The following H3C4 variants were observed in gnomAD, a reference collection of about 807,000 sequenced individuals.
H3C4 encodes the protein H3 clustered histone 4.
H3C4 carries 10 observed loss-of-function variants against 8.7 expected under a neutral mutation model. That is an observed-to-expected ratio of 1.15 (90% confidence interval 0.71 to 1.96). The LOEUF is 1.96. Ranked by LOEUF, H3C4 falls within the 30% of genes most tolerant of loss-of-function variation. The pLI is 0.00. For missense variants in H3C4, 216 were observed against 192.9 expected, an observed-to-expected ratio of 1.12 and a Z score of -0.71; for synonymous variants, 141 against 80.1, an observed-to-expected ratio of 1.76 and a Z score of -4.06.
At chr6:26,199,222 C>T (rs777936216), upstream of H3C4, 4 of 1,605,988 alleles carry the variant, frequency 2.5e-6, no homozygotes, top group East Asian at 2.2e-5. Context: ...GCCTTTCCGC[C>T]TTGCTTGCCG....
chr6:26,197,287 GAA>G (rs745827011), upstream of H3C4: 12 of 1,588,658 alleles, frequency 7.6e-6, no homozygotes, highest in Admixed American at 2.0e-5. Flanking sequence ...ACGAAAAAAC[GAA>G]AGTCTAGCCT....
At chr6:26,197,881 T>TA (rs79006416), upstream of H3C4, among the ~76,000 whole-genome samples, 11,824 of 105,044 alleles carry the variant, frequency 0.11, 627 homozygotes, top group South Asian at 0.22. Flanking sequence ...TAATCTGCTG[T>TA]AAAAAAAAAA....
upstream of H3C4, chr6:26,198,769 C>CT: frequency 7.1e-7 from 1 of 1,404,398 alleles, no homozygotes; most frequent in Non-Finnish European, 9.8e-7. Context: ...AATGTGAGCC[C>CT]TTTTAAGGAA....
At chr6:26,198,768 C>T, upstream of H3C4, 1 of 1,345,542 alleles carries the variant, frequency 7.4e-7, no homozygotes, top group Non-Finnish European at 1.0e-6. Flanking sequence ...AAATGTGAGC[C>T]CTTTTAAGGA....
upstream of H3C4, among the ~76,000 whole-genome samples, chr6:26,198,180 T>C (rs2113858260): frequency 6.6e-6 from 1 of 152,346 alleles, no homozygotes; most frequent in South Asian, 2.1e-4. Context: ...ACTAACTATA[T>C]TTTTATGTAA....
At chr6:26,199,056 A>G (rs772923602), upstream of H3C4, 2 of 1,614,010 alleles carry the variant, frequency 1.2e-6, no homozygotes, top group Non-Finnish European at 1.7e-6. Context: ...CAGCTCCAGG[A>G]TCTCGGCGGT....
chr6:26,199,179 G>A, upstream of H3C4: 2 of 1,614,080 alleles, frequency 1.2e-6, no homozygotes, highest in Non-Finnish European at 1.7e-6. Context: ...CTGGAGTCCG[G>A]CCCGCGAAGA....
chr6:26,197,070 G>A lies in H3C4; in HGVS notation c.181C>T (p.Leu61=), dbSNP rs1352090782. 1.2e-6 allele frequency: 2 copies of A among 1,614,246 alleles called. No homozygotes were observed. Among genetic ancestry groups the A allele is most frequent in the Admixed American group, 1.7e-5 (1 of 60,034 alleles). The part of the protein sequence containing the change: ...EIRRYQKSTE[L]LIRKLPFQRL... ...TGGAATGGCAGTTTGCGAATCAGCA[G>A]CTCGGTCGACTTCTGGTAGCGGCGG... Residue 61 remains leucine (L), a synonymous_variant, in exon 1 of 1, where the codon CTG becomes TTG. Coordinates refer to ENST00000356476, the MANE Select transcript of H3C4 (RefSeq NM_001376937.1).
upstream of H3C4, among the ~76,000 whole-genome samples, chr6:26,198,426 G>A (rs1259560650): frequency 6.6e-6 from 1 of 152,164 alleles, no homozygotes; most frequent in African/African-American, 2.4e-5. Context: ...CCGCCTCCGG[G>A]GTTCAACATT....
upstream of H3C4, among the ~76,000 whole-genome samples, chr6:26,198,500 T>A (rs116103809): frequency 2.5e-3 from 377 of 152,174 alleles, no homozygotes; most frequent in African/African-American, 8.9e-3. Flanking sequence ...CCCGACAAAT[T>A]TTTTTATTTT....
rs749256015 is a variant in H3C4 at position 26,197,271 on chromosome 6, T to C, written c.-21A>G. 2 of 1,590,886 alleles carry C rather than the reference T, an allele frequency of 1.3e-6. No individual in the cohort carries two copies. Among genetic ancestry groups the C allele is most frequent in the East Asian group, 2.2e-5 (1 of 44,754 alleles). Reference sequence around the variant, plus strand: ...GCCATTGCGAACTTCTAAACCCTGCTAAATGACGAAAAAACGAAAGTCTAG... The same window carrying C: ...GCCATTGCGAACTTCTAAACCCTGCCAAATGACGAAAAAACGAAAGTCTAG... On this transcript the variant is annotated 5_prime_UTR_variant, in exon 1 of 1. Transcript: ENST00000356476.
upstream of H3C4, among the ~76,000 whole-genome samples, chr6:26,198,648 T>C (rs544794797): frequency 9.8e-5 from 15 of 152,306 alleles, no homozygotes; most frequent in African/African-American, 2.2e-4. Flanking sequence ...CTTATGTATT[T>C]TTATGGCATC....
At chr6:26,199,166 G>A (rs1417702597), upstream of H3C4, 4 of 1,614,134 alleles carry the variant, frequency 2.5e-6, no homozygotes, top group East Asian at 2.2e-5. Flanking sequence ...GGCCCACAGG[G>A]AACTGGAGTC....
chr6:26,199,183 G>T (rs763562699), upstream of H3C4: 32 of 1,613,900 alleles, frequency 2.0e-5, no homozygotes, highest in South Asian at 3.5e-4. Flanking sequence ...AGTCCGGCCC[G>T]CGAAGAGCGG....
At position 26,197,130 on chromosome 6, in the gene H3C4, G is replaced by T; in HGVS notation, c.121C>A (p.Arg41Ser). 6.2e-7 allele frequency: 1 copy of T among 1,614,202 alleles called. No individual in the cohort carries two copies. Among genetic ancestry groups the T allele is most frequent in the Non-Finnish European group, 8.5e-7 (1 of 1,180,038 alleles). ...PATGGVKKPH[R>S]YRPGTVALRE... is the part of the protein sequence containing the mutation. ...AGAGCCACCGTGCCGGGCCGGTAAC[G>T]GTGGGGCTTCTTCACGCCGCCGGTG... is the stretch of plus-strand genomic sequence containing the variant. The change falls in exon 1 of 1, where the codon CGT becomes AGT. Residue 41 changes from arginine to serine, a missense_variant. Transcript: ENST00000356476.
upstream of H3C4, chr6:26,199,136 G>GC (rs1765064385): frequency 6.2e-7 from 1 of 1,614,106 alleles, no homozygotes; most frequent in African/African-American, 1.3e-5. Flanking sequence ...AGTTGCCCTT[G>GC]CGGAGCAAGC....
At chr6:26,198,734 C>T (rs1765046570), upstream of H3C4, 2 of 1,015,960 alleles carry the variant, frequency 2.0e-6, no homozygotes, top group African/African-American at 1.6e-5. Flanking sequence ...TTAAAGAAAA[C>T]TGCAAAATAG....
chr6:26,196,785 G>C lies in H3C4; in HGVS notation c.*55C>G. ...AAACAGCAACTTTTATAGAAAAGGT[G>C]GTTGGCTCTGAAAAGAGCCTTTGGG... On this transcript the variant is annotated 3_prime_UTR_variant, in exon 1 of 1. Transcript: ENST00000356476. 2 of 1,577,484 alleles carry C rather than the reference G, an allele frequency of 1.3e-6. No individual in the cohort carries two copies. Among genetic ancestry groups the C allele is most frequent in the Non-Finnish European group, 1.7e-6 (2 of 1,152,412 alleles).
chr6:26,198,884 C>G, upstream of H3C4: 1 of 1,614,192 alleles, frequency 6.2e-7, no homozygotes, highest in East Asian at 2.2e-5. Flanking sequence ...GACTCTCAGT[C>G]TTCTTGGGGA....
Sources: gnomAD v4.1 joint callset for allele counts (sites outside exome capture counted in the v4.1 genomes callset) on GRCh38, gnomAD v4.1.1 for gene constraint, MANE v1.5 for transcripts, NCBI Gene and HGNC (gene_info 2026-07-23, HGNC 2026-07-21) for gene names.